CTNNA3: variants seen among roughly 807,000 people sequenced by gnomAD.
CTNNA3 encodes catenin alpha 3.
CTNNA3 carries 76 observed loss-of-function variants against 95.7 expected under a neutral mutation model. The observed-to-expected ratio is 0.79, with a 90% CI of 0.66 to 0.96. The LOEUF (loss-of-function observed/expected upper bound fraction) is 0.96, where lower values mean the gene tolerates loss of function less well. CTNNA3 is among the 40% of genes least tolerant of loss of function. CTNNA3 has a pLI of 0.00. For synonymous variants in CTNNA3, 431 were observed against 374.4 expected (o/e 1.15, Z -1.74); for missense variants, 1,191 against 1,089.8 (o/e 1.09, Z -1.31).
rs1280666710 is a variant in CTNNA3 at position 67,018,489 on chromosome 10, C to T, written c.1047+161828G>A. 2.0e-5 allele frequency among the ~76,000 whole-genome samples: 3 copies of T among 152,188 alleles called. No individual in the cohort carries two copies. The East Asian group carries it at 5.8e-4, about 29-fold the overall frequency. On this transcript the variant is annotated intron_variant, in intron 7 of 17. Coordinates refer to ENST00000433211, the MANE Select transcript of CTNNA3 (RefSeq NM_013266.4). Reference sequence around the variant, plus strand: ...AAATTACATAAAAAATCTAGTACAACTGTTATAAACATGTTTGGGAACAAA... The same window carrying T: ...AAATTACATAAAAAATCTAGTACAATTGTTATAAACATGTTTGGGAACAAA...
chr10:65,952,545 CA>C (rs146353849), intron 17 of CTNNA3, among the ~76,000 whole-genome samples: 14,016 of 151,750 alleles, frequency 0.092, 821 homozygotes, highest in East Asian at 0.2. Flanking sequence ...GTTAATTTTC[CA>C]ATTTTTTTTT....
At chr10:66,632,555 C>CAAAAAAAAAAAAAAAAAAAA (rs10559608) in intron 9 of CTNNA3, among the ~76,000 whole-genome samples, 1 of 100,954 alleles carries the variant, frequency 9.9e-6, no homozygotes, top group Non-Finnish European at 2.0e-5. Context: ...AACTCCATCT[C>CAAAAAAAAAAAAAAAAAAAA]AAAAAAAAAA....
chr10:67,539,818 A>C, intron 3 of CTNNA3, 149 bp from the exon 4 acceptor site: 9 of 644,418 alleles, frequency 1.4e-5, no homozygotes, highest in Non-Finnish European at 2.3e-5. Flanking sequence ...TCAATAAACA[A>C]TGCAGTTTCA....
At chr10:67,420,492 C>G (rs1024254161) in intron 5 of CTNNA3, among the ~76,000 whole-genome samples, 3 of 152,136 alleles carry the variant, frequency 2.0e-5, no homozygotes, top group Non-Finnish European at 4.4e-5. Context: ...GTACTTTAAC[C>G]TCTCTGAACC....
chr10:67,261,407 AAAC>A (rs1434962006), intron 5 of CTNNA3, among the ~76,000 whole-genome samples: 1 of 152,176 alleles, frequency 6.6e-6, no homozygotes, highest in East Asian at 1.9e-4. Context: ...TGGTCTTCAA[AAAC>A]AACATTTGGG....
intron 15 of CTNNA3, among the ~76,000 whole-genome samples, chr10:66,058,715 C>T (rs1359730757): frequency 6.6e-6 from 1 of 152,062 alleles, no homozygotes; most frequent in Non-Finnish European, 1.5e-5. Context: ...AGTAAGAAAA[C>T]ACCTGGCTCA....
chr10:67,737,247 C>A (rs1381995322), intron 1 of CTNNA3, among the ~76,000 whole-genome samples: 1 of 151,916 alleles, frequency 6.6e-6, no homozygotes, highest in Admixed American at 6.6e-5. Flanking sequence ...TCCTGAATGA[C>A]CAATGGATCA....
intron 11 of CTNNA3, among the ~76,000 whole-genome samples, chr10:66,420,830 TAAA>T (rs2093186455): frequency 1.2e-5 from 1 of 81,150 alleles, no homozygotes; most frequent in Non-Finnish European, 2.7e-5. Flanking sequence ...AATAAATAAA[TAAA>T]TAAATAAAAA....
rs114134475 is a variant in CTNNA3 at position 66,051,862 on chromosome 10, T to A, written c.2159+17446A>T. ...CAGATAATAATTAGATTGATAGGTT[T>A]CAGGGTGTTTTCCTAAGGGAAACTC... On this transcript the variant is annotated intron_variant, in intron 15 of 17. Coordinates refer to ENST00000433211, the MANE Select transcript of CTNNA3 (RefSeq NM_013266.4). 9.4e-3 allele frequency among the ~76,000 whole-genome samples: 1,428 copies of A among 152,316 alleles called. 17 individuals are homozygous for A. Among genetic ancestry groups the A allele is most frequent in the African/African-American group, 0.033 (1,381 of 41,570 alleles).
Position 67,395,029 on chromosome 10 carries a change from C to T in CTNNA3, c.579+126813G>A, listed in dbSNP as rs535977541. Among the ~76,000 whole-genome samples, 608 of 152,222 alleles carry T rather than the reference C, an allele frequency of 4.0e-3. 3 individuals are homozygous for T. Among genetic ancestry groups the T allele is most frequent in the Admixed American group, 6.0e-3 (92 of 15,270 alleles). ...ATTTTTACACTTGCAGATTTTCCCC[C>T]ACCAAATTTATCTTAAATAATTCTT... is the stretch of plus-strand genomic sequence containing the variant. On this transcript the variant is annotated intron_variant, in intron 5 of 17. Transcript: ENST00000433211.
chr10:66,472,512 G>C (rs1283230557), intron 11 of CTNNA3, among the ~76,000 whole-genome samples: 1 of 151,842 alleles, frequency 6.6e-6, no homozygotes, highest in Non-Finnish European at 1.5e-5. Flanking sequence ...ATTTTTTATT[G>C]AGTAGCACTT....
At chr10:66,753,403 C>G (rs536645960) in intron 9 of CTNNA3, among the ~76,000 whole-genome samples, 125 of 152,184 alleles carry the variant, frequency 8.2e-4, no homozygotes, top group Non-Finnish European at 1.4e-3. Flanking sequence ...TGACTCATAC[C>G]TGTAATCCCA....
At chr10:66,345,728 G>A (rs1370535834) in intron 12 of CTNNA3, among the ~76,000 whole-genome samples, 1 of 151,956 alleles carries the variant, frequency 6.6e-6, no homozygotes, top group Non-Finnish European at 1.5e-5. Flanking sequence ...ATAATGACAA[G>A]CTATGCATAC....
intron 11 of CTNNA3, among the ~76,000 whole-genome samples, chr10:66,392,901 T>C (rs908463549): frequency 1.3e-5 from 2 of 152,004 alleles, no homozygotes; most frequent in African/African-American, 4.8e-5. Context: ...CCTTGGTATT[T>C]ACCCAGATAA....
chr10:66,162,248 A>G (rs1159947203), intron 13 of CTNNA3, among the ~76,000 whole-genome samples: 1 of 151,754 alleles, frequency 6.6e-6, no homozygotes, highest in Non-Finnish European at 1.5e-5. Flanking sequence ...CTGGTGAACT[A>G]TTGTGATTTT....
chr10:67,263,936 TA>T (rs758145988), intron 5 of CTNNA3, among the ~76,000 whole-genome samples: 4 of 151,246 alleles, frequency 2.6e-5, no homozygotes, highest in Admixed American at 1.3e-4. Flanking sequence ...TGAATTGTAA[TA>T]AAAAAAAGTG....
chr10:65,922,924 A>G (rs1235760759), intron 17 of CTNNA3, among the ~76,000 whole-genome samples: 1 of 152,166 alleles, frequency 6.6e-6, no homozygotes, highest in Non-Finnish European at 1.5e-5. Context: ...TTACATGGCA[A>G]CAGGAGAGAG....
chr10:66,775,141 T>C (rs535621842), intron 8 of CTNNA3, among the ~76,000 whole-genome samples: 2 of 152,262 alleles, frequency 1.3e-5, no homozygotes, highest in South Asian at 4.1e-4. Context: ...TTAATTTCAT[T>C]GTATAGGTTC....
chr10:67,349,032 G>T (rs1842538127), intron 5 of CTNNA3, among the ~76,000 whole-genome samples: 1 of 152,118 alleles, frequency 6.6e-6, no homozygotes, highest in Non-Finnish European at 1.5e-5. Flanking sequence ...TGTTAGAATG[G>T]CTATTATCAA....
Sources: allele counts gnomAD v4.1 joint callset (sites outside exome capture counted in the v4.1 genomes callset), GRCh38; gene constraint gnomAD v4.1.1; transcripts MANE v1.5; gene names NCBI Gene and HGNC (gene_info 2026-07-23, HGNC 2026-07-21).